PCDH15: variants seen among roughly 807,000 people sequenced by gnomAD.
PCDH15 encodes protocadherin-15.
A neutral mutation model predicts 178.5 loss-of-function variants in PCDH15; 129 were observed. That is an observed-to-expected ratio of 0.72 (90% CI 0.63 to 0.84). PCDH15 has a LOEUF of 0.84. Ranked by LOEUF, PCDH15 falls within the 40% of genes least tolerant of loss-of-function variation. PCDH15 has a pLI of 0.00. For missense variants in PCDH15, 2,230 were observed against 2,099.9 expected, an observed-to-expected ratio of 1.06 and a Z score of -1.21; for synonymous variants, 800 against 732.0, an observed-to-expected ratio of 1.09 and a Z score of -1.50.
At chr10:54,862,784 T>C (rs530254861) in intron 3 of PCDH15, among the ~76,000 whole-genome samples, 1 of 152,308 alleles carries the variant, frequency 6.6e-6, no homozygotes, top group Non-Finnish European at 1.5e-5. Context: ...CACTTTCTGA[T>C]AGGAGCTGAA....
At chr10:55,116,941 C>T (rs373783273) in intron 2 of PCDH15, among the ~76,000 whole-genome samples, 3 of 152,292 alleles carry the variant, frequency 2.0e-5, no homozygotes, top group African/African-American at 7.2e-5. Context: ...ACTAACAGGC[C>T]TTGCTAAATG....
At position 53,895,805 on chromosome 10, in the gene PCDH15, C is replaced by T. The variant is rs140370795; in HGVS notation, c.3501+7438G>A. On this transcript the variant is annotated intron_variant, in intron 26 of 37. Coordinates refer to ENST00000644397, the MANE Select transcript of PCDH15 (RefSeq NM_001384140.1). The stretch of plus-strand genomic sequence containing the variant: ...AGTTCATCTCAAGTTGAAAAGAAAT[C>T]GGTTGCCTTTTTACTTGTCTCCTAA... Among the ~76,000 whole-genome samples the T allele has an allele frequency of 7.2e-5, 11 of 152,244 alleles. 1 individual carries two copies. Among genetic ancestry groups the T allele is most frequent in the African/African-American group, 1.9e-4 (8 of 41,558 alleles).
intron 1 of PCDH15, among the ~76,000 whole-genome samples, chr10:55,220,827 T>A (rs1049171894): frequency 6.6e-6 from 1 of 152,038 alleles, no homozygotes; most frequent in Admixed American, 6.6e-5. Context: ...TTAAGTTAGG[T>A]AATTAGGTAC....
intron 1 of PCDH15, among the ~76,000 whole-genome samples, chr10:55,172,432 A>G (rs1164959177): frequency 6.6e-6 from 1 of 151,036 alleles, no homozygotes; most frequent in Non-Finnish European, 1.5e-5. Flanking sequence ...AGCTAAGAGA[A>G]CAGTGTTTTG....
chr10:53,924,419 G>C (rs879535631), intron 25 of PCDH15, among the ~76,000 whole-genome samples: 21 of 152,326 alleles, frequency 1.4e-4, no homozygotes, highest in Admixed American at 1.4e-3. Context: ...GCCTCCCTGC[G>C]GGGCAAGGCT....
At chr10:54,784,282 T>C (rs1201070678) in intron 1 of PCDH15, among the ~76,000 whole-genome samples, 2 of 150,696 alleles carry the variant, frequency 1.3e-5, no homozygotes, top group Non-Finnish European at 3.0e-5. Context: ...CACCTAAAGC[T>C]ACTGAAATTT....
chr10:55,528,476 G>A (rs534999178), intron 2 of PCDH15, among the ~76,000 whole-genome samples: 5 of 152,120 alleles, frequency 3.3e-5, no homozygotes, highest in East Asian at 1.9e-4. Context: ...AACATGCGGT[G>A]TTTGGTTTTT....
intron 3 of PCDH15, among the ~76,000 whole-genome samples, chr10:54,421,114 T>C (rs1448695408): frequency 1.3e-5 from 2 of 151,988 alleles, no homozygotes; most frequent in Admixed American, 6.6e-5. Context: ...CTTTCTCTTA[T>C]TGTATTGTAT....
chr10:54,713,772 G>T (rs544714415), intron 1 of PCDH15, among the ~76,000 whole-genome samples: 1 of 152,014 alleles, frequency 6.6e-6, no homozygotes, highest in Admixed American at 6.6e-5. Context: ...TGAAAATTGC[G>T]TTTTCTAAAT....
chr10:54,332,791 G>A (rs375259102), intron 6 of PCDH15, among the ~76,000 whole-genome samples: 10 of 152,086 alleles, frequency 6.6e-5, no homozygotes, highest in African/African-American at 2.2e-4. Context: ...TTCATTGGAC[G>A]TTTGTAGAAT....
intron 23 of PCDH15, 71 bp from the exon 24 acceptor site, chr10:53,941,046 A>T (rs2086018787): frequency 9.4e-7 from 1 of 1,058,704 alleles, no homozygotes; most frequent in African/African-American, 1.6e-5. Flanking sequence ...GTTCACAGAA[A>T]AATTGAGAGA....
At chr10:53,930,636 A>G (rs776570935) in intron 25 of PCDH15, among the ~76,000 whole-genome samples, 2 of 152,058 alleles carry the variant, frequency 1.3e-5, no homozygotes, top group Non-Finnish European at 2.9e-5. Flanking sequence ...TTCCTCAGCA[A>G]AGGAGGACCT....
chr10:54,373,162 T>C (rs1357881779), intron 4 of PCDH15, among the ~76,000 whole-genome samples: 1 of 151,940 alleles, frequency 6.6e-6, no homozygotes, highest in Admixed American at 6.6e-5. Flanking sequence ...ATTTTTTTTC[T>C]AGAAACCAAA....
chr10:54,733,837 TAA>T (rs1287520622), intron 1 of PCDH15, among the ~76,000 whole-genome samples: 2 of 147,564 alleles, frequency 1.4e-5, no homozygotes, highest in South Asian at 4.2e-4. Context: ...AAGACAATAA[TAA>T]AAAGACTTAA....
At chr10:55,493,457 G>C (rs1348588786) in intron 2 of PCDH15, among the ~76,000 whole-genome samples, 1 of 151,368 alleles carries the variant, frequency 6.6e-6, no homozygotes, top group Non-Finnish European at 1.5e-5. Flanking sequence ...TGGGACAATT[G>C]ATTGAGCCCA....
At chr10:54,876,460 A>C (rs147930917) in intron 3 of PCDH15, among the ~76,000 whole-genome samples, 1 of 152,300 alleles carries the variant, frequency 6.6e-6, no homozygotes, top group East Asian at 1.9e-4. Context: ...GATTCTTACA[A>C]GGAATCCGGG....
chr10:53,806,948 G>A lies in PCDH15; in HGVS notation c.4854C>T (p.Cys1618=), dbSNP rs777724473. 1.4e-5 allele frequency: 23 copies of A among 1,613,848 alleles called. No individual in the cohort carries two copies. The highest frequency in any genetic ancestry group is 1.8e-5 in the Non-Finnish European group (21 of 1,179,824). The change falls in exon 38 of 38, where the codon TGC becomes TGT. Residue 1618 remains cysteine (C), a synonymous_variant. Coordinates refer to ENST00000644397, the MANE Select transcript of PCDH15 (RefSeq NM_001384140.1). Reference sequence around the variant, plus strand: ...AAGCAACTTTTAAGTTGTCCGTGAGGCAGGCACGGCGGGTTCTCACCACAG... The same window carrying A: ...AAGCAACTTTTAAGTTGTCCGTGAGACAGGCACGGCGGGTTCTCACCACAG... ...NGSVVRTRRA[C]LTDNLKVASP... is the part of the protein sequence containing the mutation.
chr10:54,553,810 T>TA (rs67736066), intron 2 of PCDH15, among the ~76,000 whole-genome samples: 2,094 of 150,324 alleles, frequency 0.014, 17 homozygotes, highest in Non-Finnish European at 0.021. Flanking sequence ...AGGCTGGGAT[T>TA]AAAAAAAAAA....
chr10:55,077,339 A>G (rs1841921332), intron 2 of PCDH15, among the ~76,000 whole-genome samples: 1 of 151,890 alleles, frequency 6.6e-6, no homozygotes. Context: ...TTGCATGTGT[A>G]TTCAATGTTC....
Sources: gnomAD v4.1 joint callset for allele counts (sites outside exome capture counted in the v4.1 genomes callset) on GRCh38, gnomAD v4.1.1 for gene constraint, MANE v1.5 for transcripts, NCBI Gene and HGNC (gene_info 2026-07-23, HGNC 2026-07-21) for gene names.